PRPF8: variants seen among roughly 807,000 people sequenced by gnomAD.
PRPF8 encodes pre-mRNA processing factor 8.
A neutral mutation model predicts 285.9 loss-of-function variants in PRPF8; 64 were observed. The observed-to-expected ratio is 0.22, with a 90% CI of 0.18 to 0.28. The LOEUF (loss-of-function observed/expected upper bound fraction) is 0.28, where lower values mean the gene tolerates loss of function less well. Ranked by LOEUF, PRPF8 falls within the 10% of genes least tolerant of loss-of-function variation. The pLI is 1.00. For synonymous variants in PRPF8, 1,325 were observed against 1,118.2 expected (o/e 1.18, Z -3.69); for missense variants, 1,426 against 3,026.7 (o/e 0.47, Z 12.41).
At chr17:1,682,406 T>A in intron 3 of PRPF8, 113 bp from the exon 4 acceptor site, 1 of 1,395,816 alleles carries the variant, frequency 7.2e-7, no homozygotes, top group Non-Finnish European at 1.0e-6. Flanking sequence ...CAATCCAAAC[T>A]CCCAAACTTA....
At position 1,653,423 on chromosome 17, in the gene PRPF8, A is replaced by C; in HGVS notation, c.6369+119T>G. 1 of 1,404,634 alleles carries C rather than the reference A, an allele frequency of 7.1e-7. No individual in the cohort carries two copies. The highest frequency in any genetic ancestry group is 1.0e-6 in the Non-Finnish European group (1 of 1,000,318). The allele number at this position is 1,404,634 out of a possible 1,614,324, so 87.0% of individuals were successfully genotyped here. On this transcript the variant is annotated intron_variant, in intron 39 of 42. Coordinates refer to ENST00000304992, the MANE Select transcript of PRPF8 (RefSeq NM_006445.4). This position sits in a 1 kb window ranked among gnomAD's most constrained non-coding sequence, Gnocchi z 4.9. ...CTCGTTGTTTTGGCTATCCTTGTAT[A>C]ATTACTCATCCATGAATCTTGAAAC...
intron 39 of PRPF8, chr17:1,652,169 G>C (rs962401409): frequency 2.7e-6 from 1 of 366,896 alleles, no homozygotes; most frequent in African/African-American, 2.1e-5. Flanking sequence ...AAGAAAGAAA[G>C]AGGATCTGTT....
chr17:1,679,915 G>C lies in PRPF8; in HGVS notation c.1099-116C>G. 7.8e-7 allele frequency: 1 copy of C among 1,276,870 alleles called. No individual in the cohort carries two copies. Among genetic ancestry groups the C allele is most frequent in the Non-Finnish European group, 1.1e-6 (1 of 876,540 alleles). The allele number at this position is 1,276,870 out of a possible 1,614,324, so 79.1% of individuals were successfully genotyped here. A position where few individuals can be genotyped will look rare whatever the true frequency, so the allele number is the denominator to read the frequency against. On this transcript the variant is annotated intron_variant, in intron 8 of 42. Transcript: ENST00000304992. This position sits in a 1 kb window ranked among gnomAD's most constrained non-coding sequence, Gnocchi z 4.7. ...CTGTATCTGCTATGGAAACTGGGCTGTCTGACAAAAGCAGCCCTGAAGTGC... is the reference window on the plus strand; with the variant it reads ...CTGTATCTGCTATGGAAACTGGGCTCTCTGACAAAAGCAGCCCTGAAGTGC...
intron 2 of PRPF8, 148 bp from the exon 3 acceptor site, chr17:1,683,849 T>C: frequency 4.3e-6 from 4 of 941,118 alleles, no homozygotes; most frequent in Non-Finnish European, 6.6e-6. Flanking sequence ...CTTACCATTT[T>C]ACTCTGTTTT....
rs754439139 is a variant in PRPF8 at position 1,651,574 on chromosome 17, A to G, written c.6511-21T>C. The G allele has an allele frequency of 1.4e-5, 22 of 1,614,146 alleles. No homozygotes were observed. Among genetic ancestry groups the G allele is most frequent in the Non-Finnish European group, 1.1e-5 (13 of 1,180,034 alleles). On this transcript the variant is annotated intron_variant, in intron 40 of 42. Transcript: ENST00000304992. This position sits in a 1 kb window ranked among gnomAD's most constrained non-coding sequence, Gnocchi z 5.1. ...ATCTCCTATAGGTAAAGAGGAGTAC[A>G]GAGCTGAATCCCATCCACAGACAGG...
chr17:1,660,913 A>C, intron 28 of PRPF8, 80 bp downstream of exon 28: 1 of 1,612,402 alleles, frequency 6.2e-7, no homozygotes, highest in Non-Finnish European at 8.5e-7. Flanking sequence ...TCTGGGAAAC[A>C]CCACAGGAAA....
intron 3 of PRPF8, among the ~76,000 whole-genome samples, chr17:1,682,663 C>A (rs9908141): frequency 1.3e-5 from 2 of 152,004 alleles, no homozygotes; most frequent in African/African-American, 4.8e-5. Flanking sequence ...GCCACTAGAC[C>A]GCACACTGCA....
At position 1,651,722 on chromosome 17, in the gene PRPF8, C is replaced by T. The variant is rs1567674450; in HGVS notation, c.6436G>A (p.Val2146Met). The T allele has an allele frequency of 1.9e-6, 3 of 1,614,176 alleles. No individual in the cohort carries two copies. Among genetic ancestry groups the T allele is most frequent in the South Asian group, 1.1e-5 (1 of 91,084 alleles). ...TGAGTGCCCCACTGCGGCACCATCA[C>T]AATGCAGCGGATCTCCTTCACCTGG... ...NPQVKEIRCI[V>M]MVPQWGTHQT... The change falls in exon 40 of 43, where the codon GTG becomes ATG. Residue 2146 changes from valine to methionine, a missense_variant. Transcript: ENST00000304992. This position sits in a 1 kb window ranked among gnomAD's most constrained non-coding sequence, Gnocchi z 5.1.
At position 1,675,650 on chromosome 17, in the gene PRPF8, G is replaced by A; in HGVS notation, c.2842C>T (p.Pro948Ser). 1 of 1,614,162 alleles carries A rather than the reference G, an allele frequency of 6.2e-7. No individual in the cohort carries two copies. The highest frequency in any genetic ancestry group is 1.1e-5 in the South Asian group (1 of 91,082). Reference protein sequence around the residue: ...PWIKPADTEPPPLLVYKWCQG... With the variant: ...PWIKPADTEPSPLLVYKWCQG... Reference sequence around the variant, plus strand: ...CACCACTTGTAAACAAGCAGCGGAGGTGGTTCTGTGTCTGCAGGCTTAATC... The same window carrying A: ...CACCACTTGTAAACAAGCAGCGGAGATGGTTCTGTGTCTGCAGGCTTAATC... The change falls in exon 19 of 43, where the codon CCT becomes TCT. Residue 948 changes from proline (P) to serine (S), a missense_variant. Transcript: ENST00000304992. The surrounding 1 kb of genome is among the most constrained non-coding windows in gnomAD (Gnocchi z 6.0).
chr17:1,660,291 C>T, intron 30 of PRPF8, 141 bp downstream of exon 30: 1 of 1,485,254 alleles, frequency 6.7e-7, no homozygotes, highest in Non-Finnish European at 9.3e-7. Flanking sequence ...GTACCCTCTC[C>T]CCACGATTCC....
chr17:1,658,379 G>C lies in PRPF8; in HGVS notation c.5379C>G (p.Thr1793=), dbSNP rs760178816. ...GCTTGGTTGTCAAGTTCCCTTCAAA[G>C]GTCTAGAGGAGGACGGCATTCGTTA... ...TNVYRVTIHK[T]FEGNLTTKPI... The change falls in exon 34 of 43, where the codon ACC becomes ACG. Residue 1793 remains threonine (T), a splice_region_variant and synonymous_variant. Coordinates refer to ENST00000304992, the MANE Select transcript of PRPF8 (RefSeq NM_006445.4). The surrounding 1 kb of genome is among the most constrained non-coding windows in gnomAD (Gnocchi z 4.1). 1 of 1,614,150 alleles carries C rather than the reference G, an allele frequency of 6.2e-7. No homozygotes were observed. The highest frequency in any genetic ancestry group is 1.1e-5 in the South Asian group (1 of 91,084).
In PRPF8 at chr17:1,660,974, A is replaced by G. The variant is rs1282802718; in HGVS notation, c.4508+19T>C. On this transcript the variant is annotated intron_variant, in intron 28 of 42. Coordinates refer to ENST00000304992, the MANE Select transcript of PRPF8 (RefSeq NM_006445.4). The stretch of plus-strand genomic sequence containing the variant: ...TCAAAGGGTTGTGACAGGTCCCTCT[A>G]AGAGAGGAGAATCCTCACCAGAAAA... 6.2e-7 allele frequency: 1 copy of G among 1,613,424 alleles called. No homozygotes were observed. The highest frequency in any genetic ancestry group is 8.5e-7 in the Non-Finnish European group (1 of 1,180,008).
chr17:1,661,556 T>G lies in PRPF8; in HGVS notation c.4202+55A>C. The stretch of plus-strand genomic sequence containing the variant: ...GCTCTGACCCTGAACTCCACACGGT[T>G]CAAAGGCCACCACTGCCCCTGCCCC... On this transcript the variant is annotated intron_variant, in intron 26 of 42. Transcript: ENST00000304992. The surrounding 1 kb of genome is among the most constrained non-coding windows in gnomAD (Gnocchi z 7.3). The G allele has an allele frequency of 6.2e-7, 1 of 1,611,218 alleles. No homozygotes were observed. The highest frequency in any genetic ancestry group is 8.5e-7 in the Non-Finnish European group (1 of 1,179,572).
chr17:1,668,281 C>T (rs539327670), intron 24 of PRPF8, among the ~76,000 whole-genome samples: 1 of 151,956 alleles, frequency 6.6e-6, no homozygotes, highest in Middle Eastern at 3.4e-3. Flanking sequence ...GCCTACAATT[C>T]TTTCCCAGGC....
chr17:1,666,667 T>C (rs1375954796), intron 24 of PRPF8, among the ~76,000 whole-genome samples: 8 of 152,116 alleles, frequency 5.3e-5, no homozygotes, highest in Non-Finnish European at 1.0e-4. Flanking sequence ...CCAAATGATA[T>C]AGTCAAGACT....
rs538689803 is a variant in PRPF8 at position 1,681,059 on chromosome 17, G to C, written c.867-5C>G. On this transcript the variant is annotated splice_region_variant and splice_polypyrimidine_tract_variant and intron_variant, in intron 6 of 42. Transcript: ENST00000304992. ...AATTCATTCCAGTCTTCATCCCTAG[G>C]GTACAACATCAAGAATAAGCAGACT... The C allele has an allele frequency of 6.2e-7, 1 of 1,613,076 alleles. No individual in the cohort carries two copies. Among genetic ancestry groups the C allele is most frequent in the East Asian group, 2.2e-5 (1 of 44,874 alleles).
rs183175744 is a variant in PRPF8, at chr17:1,659,720, C to G, written c.4946+121G>C. 1 of 1,398,008 alleles carries G rather than the reference C, an allele frequency of 7.2e-7. No homozygotes were observed. The highest frequency in any genetic ancestry group is 2.4e-5 in the East Asian group (1 of 41,354). 86.6% of individuals were successfully genotyped at this position (1,398,008 alleles called of 1,614,324 possible). A position where few individuals can be genotyped will look rare whatever the true frequency, so the allele number is the denominator to read the frequency against. On this transcript the variant is annotated intron_variant, in intron 31 of 42. Transcript: ENST00000304992. This position sits in a 1 kb window ranked among gnomAD's most constrained non-coding sequence, Gnocchi z 5.1. The stretch of plus-strand genomic sequence containing the variant: ...ACTAAGGGTGTTGACAGGCTCCAAG[C>G]GTAGCACTGGCTCCAAGTTTGAAAC...
Position 1,660,414 on chromosome 17 carries a change from CCCT to C in PRPF8, c.4785+15_4785+17del. 1.2e-6 allele frequency: 2 copies of C among 1,613,712 alleles called. No individual in the cohort carries two copies. Among genetic ancestry groups the C allele is most frequent in the African/African-American group, 2.7e-5 (2 of 75,028 alleles). ...AGCTGACTCTCTACAGTACCCTCTC[CCCT>C]CGATTCCAGCCCACCTGACATAAGT... On this transcript the variant is annotated intron_variant, in intron 30 of 42. Coordinates refer to ENST00000304992, the MANE Select transcript of PRPF8 (RefSeq NM_006445.4).
intron 36 of PRPF8, 47 bp downstream of exon 36, chr17:1,656,345 C>G: frequency 6.2e-7 from 1 of 1,612,648 alleles, no homozygotes; most frequent in East Asian, 2.2e-5. Flanking sequence ...TCTCCTAACC[C>G]TAAACCCGCT....
Sources: allele counts gnomAD v4.1 joint callset (sites outside exome capture counted in the v4.1 genomes callset), GRCh38; gene constraint gnomAD v4.1.1; non-coding constraint Gnocchi (gnomAD v3.1); transcripts MANE v1.5; gene names NCBI Gene and HGNC (gene_info 2026-07-23, HGNC 2026-07-21).